RELN: variants seen among roughly 807,000 people sequenced by gnomAD.
RELN encodes reelin.
A neutral mutation model predicts 427.6 loss-of-function variants in RELN; 108 were observed. The ratio of observed to expected loss-of-function variants is 0.25; its 90% CI spans 0.22 to 0.30. The LOEUF (loss-of-function observed/expected upper bound fraction) is 0.30. Among genes scored for constraint, RELN ranks in the 10% least tolerant of loss-of-function variants. The pLI, the probability that RELN is intolerant of heterozygous loss-of-function variation, is 1.00. For missense variants in RELN, 3,715 were observed against 4,302.8 expected, an observed-to-expected ratio of 0.86 and a Z score of 3.82; for synonymous variants, 1,524 against 1,513.4, an observed-to-expected ratio of 1.01 and a Z score of -0.16.
chr7:103,742,279 C>G (rs1168852299), intron 6 of RELN, among the ~76,000 whole-genome samples: 1 of 152,104 alleles, frequency 6.6e-6, no homozygotes, highest in Non-Finnish European at 1.5e-5. Flanking sequence ...TCACCATCAT[C>G]AAAGACCAAA....
intron 3 of RELN, among the ~76,000 whole-genome samples, chr7:103,787,442 C>G (rs1254643637): frequency 6.6e-6 from 1 of 151,404 alleles, no homozygotes; most frequent in Non-Finnish European, 1.5e-5. Context: ...ACTGGCCAGA[C>G]TAATAAAGAA....
chr7:103,550,420 C>A (rs1385804824), intron 41 of RELN, among the ~76,000 whole-genome samples: 1 of 152,158 alleles, frequency 6.6e-6, no homozygotes, highest in East Asian at 1.9e-4. Context: ...TGGAGGCAGA[C>A]TGCTCTGTTG....
intron 43 of RELN, among the ~76,000 whole-genome samples, chr7:103,541,131 G>C (rs951407156): frequency 6.6e-6 from 1 of 152,144 alleles, no homozygotes; most frequent in Non-Finnish European, 1.5e-5. Context: ...CTGGGTCTGG[G>C]GATGGATGAT....
intron 4 of RELN, among the ~76,000 whole-genome samples, chr7:103,772,774 G>A (rs2116187164): frequency 6.6e-6 from 1 of 152,318 alleles, no homozygotes; most frequent in Non-Finnish European, 1.5e-5. Context: ...GTAAAAATGA[G>A]AGGATGACAA....
At chr7:103,818,672 G>A (rs937782342) in intron 3 of RELN, among the ~76,000 whole-genome samples, 6 of 152,092 alleles carry the variant, frequency 3.9e-5, no homozygotes, top group Non-Finnish European at 7.4e-5. Flanking sequence ...ACAATAGTGA[G>A]TATTGGAAAC....
intron 8 of RELN, among the ~76,000 whole-genome samples, chr7:103,705,884 G>A (rs918593899): frequency 6.6e-6 from 1 of 152,152 alleles, no homozygotes; most frequent in Non-Finnish European, 1.5e-5. Context: ...AAAGTACCTA[G>A]ACAACAGTTA....
chr7:103,669,648 G>T (rs1053157427), intron 11 of RELN, among the ~76,000 whole-genome samples: 1 of 151,774 alleles, frequency 6.6e-6, no homozygotes, highest in Non-Finnish European at 1.5e-5. Context: ...ACCAGTAGTG[G>T]TTATTTGAGG....
intron 1 of RELN, among the ~76,000 whole-genome samples, chr7:103,917,493 C>T (rs1397358052): frequency 6.6e-6 from 1 of 151,442 alleles, no homozygotes; most frequent in Non-Finnish European, 1.5e-5. Context: ...CCCACCTCCA[C>T]TACCACCCCT....
intron 10 of RELN, among the ~76,000 whole-genome samples, chr7:103,692,418 A>G (rs778652517): frequency 3.9e-5 from 6 of 152,098 alleles, no homozygotes; most frequent in Non-Finnish European, 8.8e-5. Context: ...CCAGCTCACA[A>G]TAATACCTGC....
At chr7:103,869,388 CTACT>C (rs1264121424) in intron 2 of RELN, among the ~76,000 whole-genome samples, 1 of 151,858 alleles carries the variant, frequency 6.6e-6, no homozygotes, top group African/African-American at 2.4e-5. Context: ...AGAATTTCAC[CTACT>C]ATTATCTCCC....
chr7:103,970,178 A>G (rs1231309663), intron 1 of RELN, among the ~76,000 whole-genome samples: 1 of 148,226 alleles, frequency 6.7e-6, no homozygotes, highest in East Asian at 2.0e-4. Context: ...AGTCTGGCTC[A>G]GTCACCCAGC....
In RELN at chr7:103,613,813, C is replaced by T. The variant is rs537444543; in HGVS notation, c.2703-2010G>A. On this transcript the variant is annotated intron_variant, in intron 20 of 64. Transcript: ENST00000428762. ...ACAGAGCCAACAATGCTTTCTCACTCACACCATGAACAGTATTTCCCCACC... is the reference window on the plus strand; with the variant it reads ...ACAGAGCCAACAATGCTTTCTCACTTACACCATGAACAGTATTTCCCCACC... Among the ~76,000 whole-genome samples the T allele has an allele frequency of 2.2e-4, 34 of 152,302 alleles. No individual in the cohort carries two copies. The South Asian group carries it at 6.6e-3, about 30-fold the overall frequency.
intron 1 of RELN, among the ~76,000 whole-genome samples, chr7:103,957,651 C>G (rs1459290817): frequency 6.6e-6 from 1 of 152,134 alleles, no homozygotes; most frequent in Non-Finnish European, 1.5e-5. Flanking sequence ...GCCTGCTCAT[C>G]CCCCCTTGTG....
chr7:103,941,033 C>T (rs1242725240), intron 1 of RELN, among the ~76,000 whole-genome samples: 5 of 152,110 alleles, frequency 3.3e-5, no homozygotes, highest in Admixed American at 6.6e-5. Context: ...GCGTTCAAGG[C>T]CCAAATCTTC....
chr7:103,801,310 A>G (rs1792459012), intron 3 of RELN, among the ~76,000 whole-genome samples: 1 of 152,226 alleles, frequency 6.6e-6, no homozygotes. Flanking sequence ...TATTCACAAT[A>G]GCAAAGACTT....
intron 8 of RELN, among the ~76,000 whole-genome samples, chr7:103,716,109 C>G (rs934851852): frequency 1.3e-5 from 2 of 152,208 alleles, no homozygotes; most frequent in Non-Finnish European, 1.5e-5. Flanking sequence ...GTTCTTCCTA[C>G]AGGGTGCCAT....
In RELN at chr7:103,805,001, C is replaced by T. The variant is rs1257091646; in HGVS notation, c.474-28374G>A. 7.2e-5 allele frequency among the ~76,000 whole-genome samples: 11 copies of T among 151,818 alleles called. 1 individual carries two copies. The highest frequency in any genetic ancestry group is 1.3e-4 in the Admixed American group (2 of 15,240). On this transcript the variant is annotated intron_variant, in intron 3 of 64. Coordinates refer to ENST00000428762, the MANE Select transcript of RELN (RefSeq NM_005045.4). ...TTCATGAAATAATTTAATATCTAAT[C>T]GGGTATCTAATATCTATTACATATG...
At chr7:103,985,355 C>G (rs972516874) in intron 1 of RELN, among the ~76,000 whole-genome samples, 1 of 152,174 alleles carries the variant, frequency 6.6e-6, no homozygotes. Context: ...CCATCTTATG[C>G]TACCATAGTA....
At chr7:103,557,894 T>C in intron 37 of RELN, 71 bp downstream of exon 37, 2 of 777,414 alleles carry the variant, frequency 2.6e-6, no homozygotes, top group African/African-American at 1.7e-5. Context: ...CTTAAATCCG[T>C]GATTTCTTTG....
Sources: gnomAD v4.1 joint callset for allele counts (sites outside exome capture counted in the v4.1 genomes callset) on GRCh38, gnomAD v4.1.1 for gene constraint, MANE v1.5 for transcripts, NCBI Gene and HGNC (gene_info 2026-07-23, HGNC 2026-07-21) for gene names.